The following ACAD11 variants were observed in gnomAD, a reference collection of about 807,000 sequenced individuals.
The protein encoded by ACAD11 is acyl-Coenzyme A dehydrogenase family, member 11.
Under a neutral mutation model 102.2 loss-of-function variants are expected in ACAD11, and 83 were observed. That is an observed-to-expected ratio of 0.81 (90% confidence interval 0.68 to 0.97). The LOEUF is 0.97. Among genes scored for constraint, ACAD11 ranks in the 50% least tolerant of loss-of-function variants. ACAD11 has a pLI of 0.00. For synonymous variants in ACAD11, 324 were observed against 319.8 expected (o/e 1.01, Z -0.14); for missense variants, 901 against 951.7 (o/e 0.95, Z 0.70).
chr3:132,577,644 C>G (rs1232794125), intron 15 of ACAD11, among the ~76,000 whole-genome samples: 1 of 152,124 alleles, frequency 6.6e-6, no homozygotes, highest in East Asian at 1.9e-4. Context: ...ATCTTTGCAT[C>G]ACCCCTTCTC....
Position 132,618,762 on chromosome 3 carries a change from T to C in ACAD11, c.1286A>G (p.Lys429Arg). ...LVIDKLKEMA[K>R]VEGLWNLFLP... ...AAACAAGTTCCAGAGACCCTCGACT[T>C]TGGCCATTTCCTGTCAAGGTGATGA... Residue 429 changes from lysine (K) to arginine (R), a missense_variant, in exon 11 of 20, where the codon AAA becomes AGA. Physicochemically the swap from Lys to Arg is conservative, Grantham distance 26. Transcript: ENST00000264990. The C allele has an allele frequency of 1.3e-6, 2 of 1,592,824 alleles. No individual in the cohort carries two copies. The highest frequency in any genetic ancestry group is 2.3e-5 in the East Asian group (1 of 43,496).
At chr3:132,629,721 C>T (rs1039176504) in intron 7 of ACAD11, among the ~76,000 whole-genome samples, 7 of 152,116 alleles carry the variant, frequency 4.6e-5, no homozygotes, top group African/African-American at 7.2e-5. Flanking sequence ...CTTAATCCTT[C>T]TTTTCCCATT....
chr3:132,633,499 C>T (rs1451227344), intron 5 of ACAD11, among the ~76,000 whole-genome samples: 1 of 152,100 alleles, frequency 6.6e-6, no homozygotes, highest in Non-Finnish European at 1.5e-5. Flanking sequence ...AGGATTTTTG[C>T]ATCGATGTTC....
chr3:132,652,660 A>G (rs936683959), intron 1 of ACAD11, among the ~76,000 whole-genome samples: 1 of 152,196 alleles, frequency 6.6e-6, no homozygotes, highest in African/African-American at 2.4e-5. Context: ...TAAACAGATC[A>G]TGAGAAAAAA....
chr3:132,568,801 CAAAAAAAAAAAAAA>C (rs755568917), intron 17 of ACAD11, among the ~76,000 whole-genome samples: 8 of 68,678 alleles, frequency 1.2e-4, no homozygotes, highest in African/African-American at 3.6e-4. Flanking sequence ...CATCCACAGG[CAAAAAAAAAAAAAA>C]AAAAAAAAAA....
chr3:132,658,054 G>A (rs1054966731), intron 1 of ACAD11, among the ~76,000 whole-genome samples: 4 of 151,714 alleles, frequency 2.6e-5, no homozygotes, highest in Admixed American at 2.0e-4. Context: ...TAGAGATGGG[G>A]GTTTCACCAT....
At chr3:132,580,688 G>A (rs555083870) in intron 13 of ACAD11, among the ~76,000 whole-genome samples, 2 of 151,982 alleles carry the variant, frequency 1.3e-5, no homozygotes, top group Admixed American at 6.6e-5. Flanking sequence ...CCCTTACAGA[G>A]ACACATACTA....
chr3:132,560,347 CA>C (rs1450117390), intron 18 of ACAD11, among the ~76,000 whole-genome samples: 2 of 152,034 alleles, frequency 1.3e-5, no homozygotes, highest in African/African-American at 4.8e-5. Context: ...CATAAGAAAG[CA>C]AAGGATGAGA....
At chr3:132,621,929 A>C (rs1214536538) in intron 9 of ACAD11, among the ~76,000 whole-genome samples, 1 of 148,706 alleles carries the variant, frequency 6.7e-6, no homozygotes, top group Non-Finnish European at 1.5e-5. Flanking sequence ...CAGTGAGCCG[A>C]GATTGCCCCA....
At chr3:132,596,647 A>T (rs763610429) in intron 13 of ACAD11, among the ~76,000 whole-genome samples, 15 of 152,196 alleles carry the variant, frequency 9.9e-5, no homozygotes, top group Non-Finnish European at 1.9e-4. Flanking sequence ...AGCCTCCCAG[A>T]CTGAAGGATT....
At chr3:132,623,292 C>T (rs1021372482) in intron 9 of ACAD11, among the ~76,000 whole-genome samples, 1 of 152,004 alleles carries the variant, frequency 6.6e-6, no homozygotes, top group Admixed American at 6.5e-5. Flanking sequence ...ATGATACAAC[C>T]TATTTTCTAG....
chr3:132,562,109 T>C (rs538521519), intron 17 of ACAD11, among the ~76,000 whole-genome samples: 1 of 152,310 alleles, frequency 6.6e-6, no homozygotes, highest in East Asian at 1.9e-4. Context: ...TTTTAAATTT[T>C]ATTTATTTAT....
chr3:132,626,830 A>G lies in ACAD11; in HGVS notation c.1071-13T>C. 1.3e-6 allele frequency: 2 copies of G among 1,594,908 alleles called. No individual in the cohort carries two copies. Among genetic ancestry groups the G allele is most frequent in the Middle Eastern group, 1.7e-4 (1 of 5,984 alleles). ...AGTACTGAAAGTTCTTTGCCAAAAGAAAAAAGGAAAAAAAGGTTACAAAGA... is the reference window on the plus strand; with the variant it reads ...AGTACTGAAAGTTCTTTGCCAAAAGGAAAAAGGAAAAAAAGGTTACAAAGA... On this transcript the variant is annotated splice_polypyrimidine_tract_variant and intron_variant, in intron 8 of 19. Transcript: ENST00000264990.
At chr3:132,562,808 T>C (rs2107778161) in intron 17 of ACAD11, among the ~76,000 whole-genome samples, 1 of 152,356 alleles carries the variant, frequency 6.6e-6, no homozygotes, top group South Asian at 2.1e-4. Context: ...GTCCTTCATA[T>C]ATTCAGGACG....
intron 1 of ACAD11, among the ~76,000 whole-genome samples, chr3:132,657,586 T>C (rs548788705): frequency 1.9e-4 from 29 of 152,342 alleles, no homozygotes; most frequent in African/African-American, 5.0e-4. Context: ...TAAAATTCTT[T>C]TTAAGGTCCT....
intron 13 of ACAD11, among the ~76,000 whole-genome samples, chr3:132,586,376 G>A (rs533195028): frequency 3.9e-5 from 6 of 152,034 alleles, no homozygotes; most frequent in Non-Finnish European, 7.4e-5. Flanking sequence ...AGCATTAGGA[G>A]ATATACCTAA....
At chr3:132,633,740 G>C (rs912794477) in intron 5 of ACAD11, among the ~76,000 whole-genome samples, 3 of 151,966 alleles carry the variant, frequency 2.0e-5, no homozygotes, top group African/African-American at 4.8e-5. Context: ...CAGAGCCCTC[G>C]GAAATAATAC....
chr3:132,570,365 G>A (rs1006581010), intron 17 of ACAD11, among the ~76,000 whole-genome samples: 1 of 152,102 alleles, frequency 6.6e-6, no homozygotes, highest in African/African-American at 2.4e-5. Context: ...GTTTACAATG[G>A]AGAAAAATGT....
intron 1 of ACAD11, among the ~76,000 whole-genome samples, chr3:132,659,167 G>A (rs1158749497): frequency 2.0e-5 from 3 of 152,158 alleles, no homozygotes; most frequent in African/African-American, 7.2e-5. Context: ...GGAAAAGCTA[G>A]TACTCGAATT....
Sources: allele counts gnomAD v4.1 joint callset (sites outside exome capture counted in the v4.1 genomes callset), GRCh38; gene constraint gnomAD v4.1.1; transcripts MANE v1.5; gene names NCBI Gene and HGNC (gene_info 2026-07-23, HGNC 2026-07-21).